The following TEX46 variants were observed in gnomAD, a reference collection of about 807,000 sequenced individuals.
TEX46 encodes testis expressed 46.
In TEX46, 6 loss-of-function variants were observed where a neutral mutation model predicts 5.3. The ratio of observed to expected loss-of-function variants is 1.13; its 90% CI spans 0.62 to 2.23. The LOEUF is 2.23. Ranked by LOEUF, TEX46 falls within the 30% of genes most tolerant of loss-of-function variation. TEX46 has a pLI of 0.00. For missense variants in TEX46, 131 were observed against 150.9 expected (o/e 0.87, Z 0.69); for synonymous variants, 41 against 54.6 (o/e 0.75, Z 1.10).
Position 23,014,195 on chromosome 1 carries a change from CAAT to C in TEX46, c.3-153_3-151del, listed in dbSNP as rs1249667549. 1.5e-5 allele frequency: 20 copies of C among 1,362,372 alleles called. No homozygotes were observed. The Admixed American group carries it at 1.5e-4, about 10-fold the overall frequency. 84.4% of individuals were successfully genotyped at this position (1,362,372 alleles called of 1,614,324 possible). Reference sequence around the variant, plus strand: ...CTCCCCCCACCCAGCTGCCGCATAACAATAATAATAACTCCTCCTTTGTCTGAA... The same window carrying C: ...CTCCCCCCACCCAGCTGCCGCATAACAATAATAACTCCTCCTTTGTCTGAA... On this transcript the variant is annotated intron_variant, in intron 1 of 2. Coordinates refer to ENST00000566855, the MANE Select transcript of TEX46 (RefSeq NM_001242521.2).
At chr1:23,011,365 T>C (rs1252225873) in intron 2 of TEX46, among the ~76,000 whole-genome samples, 3 of 151,568 alleles carry the variant, frequency 2.0e-5, no homozygotes, top group Non-Finnish European at 4.4e-5. Context: ...TGTGGAGACT[T>C]GGGACCCAGT....
At position 23,010,969 on chromosome 1, in the gene TEX46, G is replaced by GT. The variant is rs777397680; in HGVS notation, c.297dup (p.His100ThrfsTer7). ...ATTGACTCATGCCTCCTCATTCTGT[G>GT]TTTTTTCATGGGAAAATTCCGATGT... On this transcript the variant is annotated frameshift_variant, in exon 3 of 3. Transcript: ENST00000566855. LOFTEE classifies it low-confidence loss of function (END_TRUNC). 1.3e-6 allele frequency: 2 copies of GT among 1,535,654 alleles called. No homozygotes were observed. The highest frequency in any genetic ancestry group is 2.7e-5 in the African/African-American group (2 of 73,008).
At chr1:23,011,341 T>C (rs1016395725) in intron 2 of TEX46, 3 of 443,550 alleles carry the variant, frequency 6.8e-6, no homozygotes, top group Non-Finnish European at 1.2e-5. Flanking sequence ...AAGGGGAGCA[T>C]CATTGCCTCA....
At chr1:23,011,220 C>G (rs1001454249) in intron 2 of TEX46, 119 bp from the exon 3 acceptor site, 5 of 696,124 alleles carry the variant, frequency 7.2e-6, no homozygotes, top group Non-Finnish European at 1.2e-5. Flanking sequence ...TCCCCAGCAC[C>G]AGGAAAAGGG....
chr1:23,010,893 C>G lies in TEX46; in HGVS notation c.*8G>C, dbSNP rs1475713289. 6.6e-6 allele frequency: 10 copies of G among 1,522,792 alleles called. No individual in the cohort carries two copies. Among genetic ancestry groups the G allele is most frequent in the Non-Finnish European group, 7.9e-6 (9 of 1,135,816 alleles). The allele number at this position is 1,522,792 out of a possible 1,614,324, so 94.3% of individuals were successfully genotyped here. On this transcript the variant is annotated 3_prime_UTR_variant, in exon 3 of 3. Transcript: ENST00000566855. Reference sequence around the variant, plus strand: ...AACATCGGCAGAGGCCAGCCCGCCTCGGCCTCATTAGCTGGGGGAACTCGA... The same window carrying G: ...AACATCGGCAGAGGCCAGCCCGCCTGGGCCTCATTAGCTGGGGGAACTCGA...
At chr1:23,011,272 C>A (rs1641348929) in intron 2 of TEX46, 171 bp from the exon 3 acceptor site, 1 of 594,942 alleles carries the variant, frequency 1.7e-6, no homozygotes, top group Non-Finnish European at 3.0e-6. Context: ...TGCTTGAACA[C>A]CTGCTCTGTG....
At position 23,011,000 on chromosome 1, in the gene TEX46, T is replaced by C. The variant is rs1182436506; in HGVS notation, c.267A>G (p.Ser89=). The C allele has an allele frequency of 2.0e-6, 3 of 1,535,870 alleles. No homozygotes were observed. Among genetic ancestry groups the C allele is most frequent in the Non-Finnish European group, 2.6e-6 (3 of 1,146,774 alleles). The stretch of plus-strand genomic sequence containing the variant: ...TCATGGGAAAATTCCGATGTCTGCT[T>C]GACCGCCCGTGGTGATTCATTTTAT... ...IWNKMNHHGR[S]SRHRNFPMKK... is the part of the protein sequence containing the mutation. The change falls in exon 3 of 3, where the codon TCA becomes TCG. Residue 89 remains serine, a synonymous_variant. Coordinates refer to ENST00000566855, the MANE Select transcript of TEX46 (RefSeq NM_001242521.2).
chr1:23,013,771 A>G (rs1022035391), intron 2 of TEX46, 112 bp downstream of exon 2: 22 of 980,226 alleles, frequency 2.2e-5, no homozygotes, highest in Admixed American at 4.8e-5. Flanking sequence ...CCAGTCTTGG[A>G]TTCCCCAGTC....
Position 23,013,998 on chromosome 1 carries a change from G to A in TEX46, c.50C>T (p.Ala17Val), listed in dbSNP as rs1557469623. Residue 17 changes from alanine to valine, a missense_variant, in exon 2 of 3, where the codon GCA (alanine) becomes GTA (valine). Ala to Val is a moderately conservative substitution (Grantham distance 64). Transcript: ENST00000566855. Reference sequence around the variant, plus strand: ...TGGCTTATAGCTCATCAGCCAAGCTGCCACTGCTCCTATGGTGCCTGCGGA... The same window carrying A: ...TGGCTTATAGCTCATCAGCCAAGCTACCACTGCTCCTATGGTGCCTGCGGA... ...LASAGTIGAV[A>V]AWLMSYKPAL... 1.2e-5 allele frequency: 19 copies of A among 1,535,946 alleles called. No individual in the cohort carries two copies. Among genetic ancestry groups the A allele is most frequent in the Non-Finnish European group, 1.7e-5 (19 of 1,146,864 alleles).
chr1:23,013,553 G>A (rs778125073), intron 2 of TEX46, among the ~76,000 whole-genome samples: 2 of 152,080 alleles, frequency 1.3e-5, no homozygotes, highest in East Asian at 1.9e-4. Context: ...TTTTAGATAC[G>A]TATCTATGTT....
chr1:23,013,518 C>T (rs1315196037), intron 2 of TEX46, among the ~76,000 whole-genome samples: 1 of 152,196 alleles, frequency 6.6e-6, no homozygotes, highest in African/African-American at 2.4e-5. Flanking sequence ...AATCTATGTA[C>T]ATTTCTGCTG....
rs1641383459 is a variant in TEX46, at chr1:23,013,751, G to C, written c.165+132C>G. ...CCACCTAAGAGGAAGCTGTAGAGTGGTGGTTTAGACCAGTCTTGGATTCCC... is the reference window on the plus strand; with the variant it reads ...CCACCTAAGAGGAAGCTGTAGAGTGCTGGTTTAGACCAGTCTTGGATTCCC... On this transcript the variant is annotated intron_variant, in intron 2 of 2. Coordinates refer to ENST00000566855, the MANE Select transcript of TEX46 (RefSeq NM_001242521.2). 3.8e-6 allele frequency: 3 copies of C among 793,942 alleles called. No homozygotes were observed. In the South Asian group the frequency reaches 5.5e-5, roughly 15 times the overall value. The allele number at this position is 793,942 out of a possible 1,614,324, so 49.2% of individuals were successfully genotyped here.
intron 1 of TEX46, among the ~76,000 whole-genome samples, chr1:23,014,933 C>T (rs1641398703): frequency 6.6e-6 from 1 of 152,004 alleles, no homozygotes; most frequent in Non-Finnish European, 1.5e-5. Flanking sequence ...ACCTCTGCCT[C>T]CCAGGTTCAA....
At chr1:23,014,422 G>A (rs891603334) in intron 1 of TEX46, among the ~76,000 whole-genome samples, 1 of 152,078 alleles carries the variant, frequency 6.6e-6, no homozygotes, top group Admixed American at 6.6e-5. Context: ...AGACATAACT[G>A]CTTTCACAGT....
At chr1:23,013,552 C>T (rs138009291) in intron 2 of TEX46, among the ~76,000 whole-genome samples, 141 of 152,262 alleles carry the variant, frequency 9.3e-4, no homozygotes, top group African/African-American at 3.0e-3. Flanking sequence ...ATTTTAGATA[C>T]GTATCTATGT....
chr1:23,014,452 G>C (rs1432447782), intron 1 of TEX46, among the ~76,000 whole-genome samples: 1 of 152,076 alleles, frequency 6.6e-6, no homozygotes, highest in Non-Finnish European at 1.5e-5. Context: ...CCATCTATTG[G>C]TCACCTGATA....
chr1:23,015,461 A>AAAAAAAAAAAAC (rs1641407079), intron 1 of TEX46, among the ~76,000 whole-genome samples: 1 of 149,866 alleles, frequency 6.7e-6, no homozygotes, highest in African/African-American at 2.4e-5. Context: ...AAAAAAAAAA[A>AAAAAAAAAAAAC]AAAAAAAGCA....
chr1:23,011,378 C>T (rs1180660963), intron 2 of TEX46, among the ~76,000 whole-genome samples: 1 of 150,630 alleles, frequency 6.6e-6, no homozygotes, highest in African/African-American at 2.4e-5. Flanking sequence ...GACCCAGTAA[C>T]GGGAAGTCAC....
At chr1:23,012,006 A>AT (rs534057908) in intron 2 of TEX46, among the ~76,000 whole-genome samples, 189 of 149,030 alleles carry the variant, frequency 1.3e-3, no homozygotes, top group South Asian at 3.6e-3. Context: ...AATAACACTT[A>AT]TTTTTTTTTT....
Sources: allele counts gnomAD v4.1 joint callset (sites outside exome capture counted in the v4.1 genomes callset), GRCh38; gene constraint gnomAD v4.1.1; transcripts MANE v1.5; gene names NCBI Gene and HGNC (gene_info 2026-07-23, HGNC 2026-07-21).